The following ADAMTS17 variants were observed in gnomAD, a reference collection of about 807,000 sequenced individuals.
ADAMTS17 encodes ADAM metallopeptidase with thrombospondin type 1 motif 17, also known as A disintegrin and metalloproteinase with thrombospondin motifs 17.
Under a neutral mutation model 141.5 loss-of-function variants are expected in ADAMTS17, and 113 were observed. That is an observed-to-expected ratio of 0.80 (90% CI 0.69 to 0.93). ADAMTS17 has a LOEUF of 0.93. Ranked by LOEUF, ADAMTS17 falls within the 40% of genes least tolerant of loss-of-function variation. ADAMTS17 has a pLI of 0.00. For synonymous variants in ADAMTS17, 768 were observed against 630.6 expected (o/e 1.22, Z -3.27); for missense variants, 1,659 against 1,517.9 (o/e 1.09, Z -1.54).
intron 8 of ADAMTS17, among the ~76,000 whole-genome samples, chr15:100,195,029 A>G (rs1224215106): frequency 6.6e-6 from 1 of 152,216 alleles, no homozygotes; most frequent in Non-Finnish European, 1.5e-5. Flanking sequence ...CCTTCCTCAC[A>G]CTCAACGCTG....
chr15:100,298,380 C>A (rs1283163891), intron 3 of ADAMTS17, among the ~76,000 whole-genome samples: 2 of 152,136 alleles, frequency 1.3e-5, no homozygotes, highest in African/African-American at 4.8e-5. Context: ...TGGGAAAGGA[C>A]AACTGTCGCT....
intron 3 of ADAMTS17, among the ~76,000 whole-genome samples, chr15:100,310,608 T>C (rs909079080): frequency 2.0e-5 from 3 of 152,216 alleles, no homozygotes; most frequent in Non-Finnish European, 4.4e-5. Flanking sequence ...CTGCAGCAGA[T>C]GTGAGCGAGA....
At chr15:100,157,210 T>C (rs1238620951) in intron 8 of ADAMTS17, among the ~76,000 whole-genome samples, 2 of 152,086 alleles carry the variant, frequency 1.3e-5, no homozygotes, top group Non-Finnish European at 2.9e-5. Context: ...CCTCGACACA[T>C]TGGATTACAA....
chr15:100,265,705 A>G (rs2043690250), intron 4 of ADAMTS17, among the ~76,000 whole-genome samples: 1 of 152,192 alleles, frequency 6.6e-6, no homozygotes, highest in African/African-American at 2.4e-5. Context: ...CTCCCCCCAG[A>G]GCCACACAGG....
rs77453042 is a variant in ADAMTS17, at chr15:100,330,189, C to T, written c.616+700G>A. On this transcript the variant is annotated intron_variant, in intron 3 of 21. Transcript: ENST00000268070. Reference sequence around the variant, plus strand: ...AAGAGCCCCAGGTTCTCCCCCCACACTGCATCTTAAAATCACTTTTAAAAA... The same window carrying T: ...AAGAGCCCCAGGTTCTCCCCCCACATTGCATCTTAAAATCACTTTTAAAAA... 5.2e-4 allele frequency among the ~76,000 whole-genome samples: 79 copies of T among 152,294 alleles called. 5 individuals are homozygous for T. In the East Asian group the frequency reaches 0.014, roughly 26 times the overall value.
At chr15:100,146,002 A>AT (rs1222397953) in intron 10 of ADAMTS17, among the ~76,000 whole-genome samples, 1 of 152,182 alleles carries the variant, frequency 6.6e-6, no homozygotes, top group African/African-American at 2.4e-5. Context: ...GTGGAACCCC[A>AT]TCTCTACTAA....
At chr15:100,106,002 AT>A (rs34467733) in intron 14 of ADAMTS17, among the ~76,000 whole-genome samples, 47,066 of 148,838 alleles carry the variant, frequency 0.32, 7,399 homozygotes, top group East Asian at 0.46. Flanking sequence ...CAAGAAAATG[AT>A]TTTTTTTTTT....
At chr15:100,114,181 A>G (rs2036969207) in intron 13 of ADAMTS17, among the ~76,000 whole-genome samples, 1 of 150,644 alleles carries the variant, frequency 6.6e-6, no homozygotes, top group African/African-American at 2.5e-5. Flanking sequence ...TTTTTAAAAA[A>G]AGGAAGAGGA....
rs369683692 is a variant in ADAMTS17 at position 100,132,099 on chromosome 15, G to C, written c.1629C>G (p.Asp543Glu). ...VSKTPIPEHV[D>E]GDWSPWGAWS... ...AGGCGCCCCACGGGCTCCAGTCTCC[G>C]TCCACATGCTCCGGGATGGGCGTCT... The change falls in exon 12 of 22, where the codon GAC becomes GAG. Residue 543 changes from aspartate to glutamate, a missense_variant. Transcript: ENST00000268070. 6.2e-7 allele frequency: 1 copy of C among 1,614,006 alleles called. No individual in the cohort carries two copies. The highest frequency in any genetic ancestry group is 2.2e-5 in the East Asian group (1 of 44,892).
In ADAMTS17 at chr15:100,311,569, A is replaced by G. The variant is rs2045407278; in HGVS notation, c.616+19320T>C. Among the ~76,000 whole-genome samples the G allele has an allele frequency of 2.0e-5, 3 of 152,322 alleles. No individual in the cohort carries two copies. The South Asian group carries it at 6.2e-4, about 32-fold the overall frequency. The stretch of plus-strand genomic sequence containing the variant: ...CTAAAGTGGGGCGGGCGTGTGTTGC[A>G]TAAGAGTCCAGGGGAGAACTGGGAA... On this transcript the variant is annotated intron_variant, in intron 3 of 21. Coordinates refer to ENST00000268070, the MANE Select transcript of ADAMTS17 (RefSeq NM_139057.4).
chr15:100,234,679 G>A (rs1271016738), intron 7 of ADAMTS17, among the ~76,000 whole-genome samples: 1 of 152,158 alleles, frequency 6.6e-6, no homozygotes, highest in African/African-American at 2.4e-5. Flanking sequence ...CTTGGCATTC[G>A]CAGCTCTGTG....
At chr15:100,223,421 T>C (rs955523357) in intron 7 of ADAMTS17, among the ~76,000 whole-genome samples, 1 of 152,198 alleles carries the variant, frequency 6.6e-6, no homozygotes, top group Non-Finnish European at 1.5e-5. Context: ...AGTTTGCTAC[T>C]TCTGCATGAA....
intron 3 of ADAMTS17, among the ~76,000 whole-genome samples, chr15:100,328,632 T>C (rs958982): frequency 0.12 from 18,105 of 152,246 alleles, 1,207 homozygotes; most frequent in African/African-American, 0.16. Flanking sequence ...CACCCTGATT[T>C]TGTTAATTTT....
Position 100,109,453 on chromosome 15 carries a change from A to C in ADAMTS17, c.1889-337T>G, listed in dbSNP as rs565699713. Among the ~76,000 whole-genome samples, 218 of 148,968 alleles carry C rather than the reference A, an allele frequency of 1.5e-3. 1 individual carries two copies. The highest frequency in any genetic ancestry group is 7.0e-3 in the Middle Eastern group (2 of 286). On this transcript the variant is annotated intron_variant, in intron 13 of 21. Coordinates refer to ENST00000268070, the MANE Select transcript of ADAMTS17 (RefSeq NM_139057.4). Reference sequence around the variant, plus strand: ...CTACGTTGAATACACATCAAGGGGGAGCTGGAGCCACTCTTATAGCGAGGG... The same window carrying C: ...CTACGTTGAATACACATCAAGGGGGCGCTGGAGCCACTCTTATAGCGAGGG...
chr15:100,234,668 C>T (rs1011778113), intron 7 of ADAMTS17, among the ~76,000 whole-genome samples: 1 of 152,246 alleles, frequency 6.6e-6, no homozygotes, highest in East Asian at 1.9e-4. Context: ...CATATGTTTA[C>T]CTTGGCATTC....
At chr15:100,301,071 G>C (rs988179172) in intron 3 of ADAMTS17, among the ~76,000 whole-genome samples, 1 of 152,184 alleles carries the variant, frequency 6.6e-6, no homozygotes, top group Non-Finnish European at 1.5e-5. Context: ...TAAAATAAGT[G>C]AAAGAGCAAA....
At chr15:100,254,383 G>A (rs1406177327) in intron 6 of ADAMTS17, among the ~76,000 whole-genome samples, 1 of 152,152 alleles carries the variant, frequency 6.6e-6, no homozygotes, top group African/African-American at 2.4e-5. Flanking sequence ...CCCCACATGA[G>A]AACCTTCTTT....
chr15:100,254,116 T>C lies in ADAMTS17; in HGVS notation c.1075+20A>G. The C allele has an allele frequency of 6.2e-7, 1 of 1,609,424 alleles. No individual in the cohort carries two copies. Among genetic ancestry groups the C allele is most frequent in the Non-Finnish European group, 8.5e-7 (1 of 1,175,748 alleles). On this transcript the variant is annotated intron_variant, in intron 7 of 21. Transcript: ENST00000268070. ...AGGGTGTATCAGCCCCTTAGATTATTATTTCAACTCTAAACTTACCAACAG... is the reference window on the plus strand; with the variant it reads ...AGGGTGTATCAGCCCCTTAGATTATCATTTCAACTCTAAACTTACCAACAG...
intron 15 of ADAMTS17, chr15:100,063,529 G>C: frequency 3.6e-6 from 2 of 548,482 alleles, no homozygotes; most frequent in South Asian, 1.7e-5. Flanking sequence ...TGACAGCACT[G>C]TGTGGTCCCC....
Sources: gnomAD v4.1 joint callset for allele counts (sites outside exome capture counted in the v4.1 genomes callset) on GRCh38, gnomAD v4.1.1 for gene constraint, MANE v1.5 for transcripts, NCBI Gene and HGNC (gene_info 2026-07-23, HGNC 2026-07-21) for gene names.